TNFRSF21: variants seen among roughly 807,000 people sequenced by gnomAD.
TNFRSF21 encodes tumor necrosis factor receptor superfamily member 21.
A neutral mutation model predicts 45.6 loss-of-function variants in TNFRSF21; 19 were observed. That is an observed-to-expected ratio of 0.42 (90% CI 0.29 to 0.61). The LOEUF (loss-of-function observed/expected upper bound fraction) is 0.61, where lower values mean the gene tolerates loss of function less well. Among genes scored for constraint, TNFRSF21 ranks in the 20% least tolerant of loss-of-function variants. TNFRSF21 has a pLI of 0.23. For synonymous variants in TNFRSF21, 314 were observed against 335.5 expected, an observed-to-expected ratio of 0.94 and a Z score of 0.70; for missense variants, 737 against 851.5, an observed-to-expected ratio of 0.87 and a Z score of 1.67.
intron 3 of TNFRSF21, among the ~76,000 whole-genome samples, chr6:47,273,713 A>T (rs1300972245): frequency 6.6e-6 from 1 of 152,200 alleles, no homozygotes; most frequent in Non-Finnish European, 1.5e-5. Flanking sequence ...GAAATGAGGA[A>T]GTCAAATTGT....
chr6:47,272,888 CT>C (rs1356019036), intron 3 of TNFRSF21, among the ~76,000 whole-genome samples: 1 of 152,204 alleles, frequency 6.6e-6, no homozygotes, highest in Non-Finnish European at 1.5e-5. Flanking sequence ...ATAAACACCT[CT>C]ATGCAAATAA....
At chr6:47,275,448 GAAC>G (rs1273855890) in intron 3 of TNFRSF21, among the ~76,000 whole-genome samples, 1 of 152,112 alleles carries the variant, frequency 6.6e-6, no homozygotes, top group Non-Finnish European at 1.5e-5. Context: ...GGTGGGAACT[GAAC>G]AACGAGATTA....
In TNFRSF21 at chr6:47,309,498, G is replaced by C. The variant is rs1432715784; in HGVS notation, c.14C>G (p.Pro5Arg). The change falls in exon 1 of 6, where the codon CCG (proline) becomes CGG (arginine). Residue 5 changes from proline (P) to arginine (R), a missense_variant. By Grantham distance (103) the Pro-to-Arg change is moderately radical. Coordinates refer to ENST00000296861, the MANE Select transcript of TNFRSF21 (RefSeq NM_014452.5). MGTS[P>R]SSSTALASCS... ...GGAGGCGAGGGCGGTGCTGCTGCTC[G>C]GAGAGGTCCCCATGGCTGAACCGGG... 3 of 1,512,028 alleles carry C rather than the reference G, an allele frequency of 2.0e-6. No individual in the cohort carries two copies. Among genetic ancestry groups the C allele is most frequent in the Non-Finnish European group, 2.6e-6 (3 of 1,138,284 alleles). The allele number at this position is 1,512,028 out of a possible 1,614,324, so 93.7% of individuals were successfully genotyped here. A position where few individuals can be genotyped will look rare whatever the true frequency, so the allele number is the denominator to read the frequency against.
intron 1 of TNFRSF21, among the ~76,000 whole-genome samples, chr6:47,308,100 T>C (rs1413882473): frequency 1.3e-5 from 2 of 152,242 alleles, no homozygotes. Flanking sequence ...ATGCCATTAA[T>C]AAGTGGGCAG....
chr6:47,270,562 C>A (rs1004595185), intron 3 of TNFRSF21, among the ~76,000 whole-genome samples: 1 of 152,172 alleles, frequency 6.6e-6, no homozygotes, highest in Non-Finnish European at 1.5e-5. Flanking sequence ...GGGGAGAAAT[C>A]AGAGCAGAAA....
chr6:47,299,324 G>A (rs980648352), intron 1 of TNFRSF21, among the ~76,000 whole-genome samples: 20 of 151,896 alleles, frequency 1.3e-4, no homozygotes, highest in African/African-American at 3.6e-4. Flanking sequence ...GTGAAACCCC[G>A]CCTCTACTAA....
At chr6:47,271,681 A>C (rs532530602) in intron 3 of TNFRSF21, among the ~76,000 whole-genome samples, 1 of 152,304 alleles carries the variant, frequency 6.6e-6, no homozygotes, top group East Asian at 1.9e-4. Context: ...CCTTAAATGT[A>C]ATTGGGCTAA....
chr6:47,252,916 T>G (rs1215458895), intron 4 of TNFRSF21, among the ~76,000 whole-genome samples: 1 of 152,160 alleles, frequency 6.6e-6, no homozygotes, highest in Non-Finnish European at 1.5e-5. Flanking sequence ...GTTCAAAGTG[T>G]GTCATGCAAA....
At chr6:47,250,318 C>A (rs570248909) in intron 4 of TNFRSF21, among the ~76,000 whole-genome samples, 1 of 152,166 alleles carries the variant, frequency 6.6e-6, no homozygotes, top group Admixed American at 6.5e-5. Flanking sequence ...GCTGCTTATT[C>A]CAAATGCTCA....
intron 1 of TNFRSF21, among the ~76,000 whole-genome samples, chr6:47,299,367 C>T (rs536810250): frequency 4.0e-5 from 6 of 151,864 alleles, no homozygotes; most frequent in South Asian, 2.1e-4. Context: ...GGGTGGTGCA[C>T]GCTGTAATCC....
intron 1 of TNFRSF21, among the ~76,000 whole-genome samples, chr6:47,303,928 G>A (rs553355915): frequency 7.9e-5 from 12 of 152,216 alleles, no homozygotes; most frequent in South Asian, 2.1e-4. Flanking sequence ...AATGCTAAAT[G>A]AGGATCCAAC....
At chr6:47,294,703 T>C (rs977266321) in intron 1 of TNFRSF21, among the ~76,000 whole-genome samples, 1 of 152,108 alleles carries the variant, frequency 6.6e-6, no homozygotes, top group Non-Finnish European at 1.5e-5. Flanking sequence ...CTTTCTTTTT[T>C]TTTTGAGGGG....
intron 1 of TNFRSF21, among the ~76,000 whole-genome samples, chr6:47,291,397 G>C (rs561537162): frequency 6.6e-6 from 1 of 152,030 alleles, no homozygotes; most frequent in African/African-American, 2.4e-5. Flanking sequence ...ATGCGGGAGA[G>C]TAGACAAGAA....
intron 3 of TNFRSF21, among the ~76,000 whole-genome samples, chr6:47,276,531 T>C (rs1762500362): frequency 6.6e-6 from 1 of 152,208 alleles, no homozygotes; most frequent in East Asian, 1.9e-4. Flanking sequence ...GACAAGTCTA[T>C]GGCATAGACC....
rs573126443 is a variant in TNFRSF21 at position 47,251,719 on chromosome 6, G to A, written c.1509+1537C>T. Among the ~76,000 whole-genome samples the A allele has an allele frequency of 3.0e-4, 46 of 152,296 alleles. 1 individual carries two copies. In the South Asian group the frequency reaches 8.3e-3, roughly 27 times the overall value. On this transcript the variant is annotated intron_variant, in intron 4 of 5. Coordinates refer to ENST00000296861, the MANE Select transcript of TNFRSF21 (RefSeq NM_014452.5). ...CCTTAAAGCCAGTCTCTAAGAATGC[G>A]TGGCAATGCTTTGCCTCTAAACTCC...
At position 47,307,896 on chromosome 6, in the gene TNFRSF21, A is replaced by G. The variant is rs557934976; in HGVS notation, c.96+1520T>C. ...GAAACATAGTAGTGGATAGTAGTGG[A>G]TCTAAAGCTGTGAAAAAGGAAATGA... On this transcript the variant is annotated intron_variant, in intron 1 of 5. Transcript: ENST00000296861. 1.7e-4 allele frequency among the ~76,000 whole-genome samples: 26 copies of G among 152,354 alleles called. 1 individual carries two copies. In the South Asian group the frequency reaches 1.9e-3, roughly 11 times the overall value.
At chr6:47,270,592 C>T (rs1281200269) in intron 3 of TNFRSF21, among the ~76,000 whole-genome samples, 1 of 152,174 alleles carries the variant, frequency 6.6e-6, no homozygotes, top group Non-Finnish European at 1.5e-5. Flanking sequence ...TTCTAAAAAT[C>T]AGAGCGCATC....
intron 3 of TNFRSF21, among the ~76,000 whole-genome samples, chr6:47,271,563 C>T (rs1429022256): frequency 6.6e-6 from 1 of 152,106 alleles, no homozygotes; most frequent in East Asian, 1.9e-4. Flanking sequence ...CAAAAACATG[C>T]CAAACTGTGA....
In TNFRSF21 at chr6:47,258,018, A is replaced by G. The variant is rs145698879; in HGVS notation, c.1244-4497T>C. ...ATCCAGCCTAGGATGAACGCACTCA[A>G]GGCTGGCCACAGTGTGTGTGCTGCC... On this transcript the variant is annotated intron_variant, in intron 3 of 5. Coordinates refer to ENST00000296861, the MANE Select transcript of TNFRSF21 (RefSeq NM_014452.5). 4.8e-3 allele frequency among the ~76,000 whole-genome samples: 726 copies of G among 152,290 alleles called. 5 individuals carry two copies. The highest frequency in any genetic ancestry group is 7.2e-3 in the Non-Finnish European group (490 of 68,024).
Sources: gnomAD v4.1 joint callset for allele counts (sites outside exome capture counted in the v4.1 genomes callset) on GRCh38, gnomAD v4.1.1 for gene constraint, MANE v1.5 for transcripts, NCBI Gene and HGNC (gene_info 2026-07-23, HGNC 2026-07-21) for gene names.